DLG2: variants seen among roughly 807,000 people sequenced by gnomAD.
DLG2 encodes the protein disks large homolog 2.
In DLG2, 45 loss-of-function variants were observed where a neutral mutation model predicts 132.5. The ratio of observed to expected loss-of-function variants is 0.34; its 90% CI spans 0.27 to 0.44. The LOEUF (loss-of-function observed/expected upper bound fraction) is 0.44, where lower values mean the gene tolerates loss of function less well. Among genes scored for constraint, DLG2 ranks in the 20% least tolerant of loss-of-function variants. The probability of loss-of-function intolerance (pLI) is 1.00; values close to 1 mark genes in which losing one functional copy is unlikely to be tolerated. For missense variants in DLG2, 1,045 were observed against 1,196.9 expected (o/e 0.87, Z 1.87); for synonymous variants, 424 against 419.6 (o/e 1.01, Z -0.13).
At chr11:85,303,485 T>A (rs937686459) in intron 3 of DLG2, among the ~76,000 whole-genome samples, 4 of 152,212 alleles carry the variant, frequency 2.6e-5, no homozygotes, top group Admixed American at 2.6e-4. Flanking sequence ...TTAAGTGCTA[T>A]TTATATGCAA....
intron 14 of DLG2, among the ~76,000 whole-genome samples, chr11:83,955,811 C>T (rs1400547602): frequency 6.6e-6 from 1 of 152,212 alleles, no homozygotes; most frequent in Non-Finnish European, 1.5e-5. Context: ...TTCTCCTGTG[C>T]TGGGTGCTTT....
chr11:83,514,665 T>G (rs1222222880), intron 21 of DLG2, among the ~76,000 whole-genome samples: 1 of 152,114 alleles, frequency 6.6e-6, no homozygotes, highest in Non-Finnish European at 1.5e-5. Context: ...TGGCTGTGAG[T>G]TTGTCATAGA....
intron 3 of DLG2, among the ~76,000 whole-genome samples, chr11:85,325,367 TC>T (rs2081389117): frequency 6.6e-6 from 1 of 150,724 alleles, no homozygotes; most frequent in African/African-American, 2.4e-5. Context: ...GACTTAAGTG[TC>T]CCTGTCTGAC....
At chr11:85,285,652 T>G (rs2078507672) in intron 3 of DLG2, among the ~76,000 whole-genome samples, 1 of 152,000 alleles carries the variant, frequency 6.6e-6, no homozygotes, top group East Asian at 1.9e-4. Context: ...TAATAAGGAA[T>G]GAGCTATCAA....
chr11:84,412,503 G>C (rs2098911895), intron 7 of DLG2, among the ~76,000 whole-genome samples: 1 of 152,162 alleles, frequency 6.6e-6, no homozygotes, highest in Non-Finnish European at 1.5e-5. Context: ...CTCCACTTTA[G>C]ACAAAGCAAC....
At chr11:85,339,610 G>C (rs1309178903) in intron 3 of DLG2, among the ~76,000 whole-genome samples, 1 of 152,090 alleles carries the variant, frequency 6.6e-6, no homozygotes, top group African/African-American at 2.4e-5. Context: ...TTGAGCATTT[G>C]TTCATATATT....
intron 9 of DLG2, among the ~76,000 whole-genome samples, chr11:84,118,585 G>C (rs952210766): frequency 3.9e-5 from 6 of 152,046 alleles, no homozygotes; most frequent in African/African-American, 1.4e-4. Context: ...TACACCTGAA[G>C]GTAAAGTAAA....
intron 6 of DLG2, among the ~76,000 whole-genome samples, chr11:85,041,143 C>T (rs2061824401): frequency 6.6e-6 from 1 of 151,662 alleles, no homozygotes; most frequent in Non-Finnish European, 1.5e-5. Context: ...TTAATATTAC[C>T]TTGCCAAAAC....
intron 18 of DLG2, among the ~76,000 whole-genome samples, chr11:83,649,302 C>T (rs764302477): frequency 1.3e-5 from 2 of 152,000 alleles, no homozygotes; most frequent in African/African-American, 4.8e-5. Context: ...TACAATATGC[C>T]CCACTAGCCC....
intron 17 of DLG2, among the ~76,000 whole-genome samples, chr11:83,811,710 C>T (rs1435327252): frequency 1.3e-5 from 2 of 152,020 alleles, no homozygotes; most frequent in African/African-American, 2.4e-5. Flanking sequence ...TGAAAAGGGA[C>T]ATTAAAGTCT....
intron 6 of DLG2, among the ~76,000 whole-genome samples, chr11:84,551,147 A>G (rs1407748598): frequency 6.6e-6 from 1 of 152,204 alleles, no homozygotes; most frequent in African/African-American, 2.4e-5. Context: ...GTGTGTTCCA[A>G]TCAAAGAGGT....
chr11:85,286,219 A>C (rs2078549852), intron 3 of DLG2: 3 of 351,134 alleles, frequency 8.5e-6, no homozygotes, highest in Non-Finnish European at 1.6e-5. Flanking sequence ...CTGAAAACAC[A>C]ATACATGTAT....
At chr11:84,730,173 G>A (rs2062986614) in intron 6 of DLG2, among the ~76,000 whole-genome samples, 1 of 151,960 alleles carries the variant, frequency 6.6e-6, no homozygotes, top group Non-Finnish European at 1.5e-5. Flanking sequence ...AATGATAAAA[G>A]TTGGATCTAT....
intron 6 of DLG2, among the ~76,000 whole-genome samples, chr11:84,774,995 G>A (rs2070182618): frequency 6.6e-6 from 1 of 151,894 alleles, no homozygotes; most frequent in Admixed American, 6.6e-5. Context: ...GAGTAAAGAG[G>A]CAACCTACAT....
rs537427477 is a variant in DLG2, at chr11:84,803,051, G to A, written c.358-268320C>T. On this transcript the variant is annotated intron_variant, in intron 6 of 27. Coordinates refer to ENST00000376104, the MANE Select transcript of DLG2 (RefSeq NM_001142699.3). ...CTGACCCTCGTGATCTGCCCGCCTCGGCCTCCCAAAGTTCTGTGTTTACTG... is the reference window on the plus strand; with the variant it reads ...CTGACCCTCGTGATCTGCCCGCCTCAGCCTCCCAAAGTTCTGTGTTTACTG... Among the ~76,000 whole-genome samples, 7 of 152,174 alleles carry A rather than the reference G, an allele frequency of 4.6e-5. No individual in the cohort carries two copies. The South Asian group carries it at 1.2e-3, about 27-fold the overall frequency.
At chr11:83,496,158 A>G (rs1011761577) in intron 21 of DLG2, among the ~76,000 whole-genome samples, 2 of 150,830 alleles carry the variant, frequency 1.3e-5, no homozygotes, top group Non-Finnish European at 3.0e-5. Flanking sequence ...AAAATGAGCT[A>G]GAGACTTGAC....
rs544611755 is a variant in DLG2, at chr11:84,584,916, C to G, written c.358-50185G>C. On this transcript the variant is annotated intron_variant, in intron 6 of 27. Coordinates refer to ENST00000376104, the MANE Select transcript of DLG2 (RefSeq NM_001142699.3). ...TTTTAGTCGGGATGGTCTCGATCTC[C>G]TGACCTCGTGATCCGCCCGCCTCGG... 2.4e-3 allele frequency among the ~76,000 whole-genome samples: 365 copies of G among 151,252 alleles called. 1 individual carries two copies. The highest frequency in any genetic ancestry group is 4.4e-3 in the Non-Finnish European group (298 of 67,802).
At chr11:83,694,467 A>G (rs1469098724) in intron 18 of DLG2, among the ~76,000 whole-genome samples, 1 of 152,206 alleles carries the variant, frequency 6.6e-6, no homozygotes, top group Non-Finnish European at 1.5e-5. Context: ...TGAATATCAG[A>G]TCATTGCAGA....
chr11:84,609,821 T>C (rs971508548), intron 6 of DLG2, among the ~76,000 whole-genome samples: 4 of 152,176 alleles, frequency 2.6e-5, no homozygotes, highest in Non-Finnish European at 5.9e-5. Flanking sequence ...CATTTAATGG[T>C]TAGGCCCAAA....
Sources: gnomAD v4.1 joint callset for allele counts (sites outside exome capture counted in the v4.1 genomes callset) on GRCh38, gnomAD v4.1.1 for gene constraint, MANE v1.5 for transcripts, NCBI Gene and HGNC (gene_info 2026-07-23, HGNC 2026-07-21) for gene names.